Variants in CFAP20DC observed in about 807,000 individuals in gnomAD.
CFAP20DC encodes CFAP20 domain containing.
CFAP20DC carries 84 observed loss-of-function variants against 101.7 expected under a neutral mutation model. That is an observed-to-expected ratio of 0.83 (90% CI 0.69 to 0.99). The LOEUF (loss-of-function observed/expected upper bound fraction) is 0.99. Among genes scored for constraint, CFAP20DC ranks in the 50% least tolerant of loss-of-function variants. The pLI is 0.00. For synonymous variants in CFAP20DC, 359 were observed against 351.2 expected (o/e 1.02, Z -0.25); for missense variants, 1,007 against 970.3 (o/e 1.04, Z -0.50).
Position 58,971,036 on chromosome 3 carries a change from T to C in CFAP20DC, c.279-33274A>G, listed in dbSNP as rs148236694. Among the ~76,000 whole-genome samples the C allele has an allele frequency of 1.3e-5, 2 of 152,298 alleles. No individual in the cohort carries two copies. The highest frequency in any genetic ancestry group is 3.9e-4 in the East Asian group (2 of 5,184). On this transcript the variant is annotated intron_variant, in intron 4 of 16. Coordinates refer to ENST00000482387, the MANE Select transcript of CFAP20DC (RefSeq NM_001394063.1). This position sits in a 1 kb window ranked among gnomAD's most constrained non-coding sequence, Gnocchi z 4.1. ...ACCCACTCTCCTAACCTCCCAAGCA[T>C]ACACTTTGCCATAAATTGACAACAA...
intron 4 of CFAP20DC, among the ~76,000 whole-genome samples, chr3:59,036,298 G>C (rs1248968556): frequency 6.6e-6 from 1 of 152,148 alleles, no homozygotes; most frequent in Non-Finnish European, 1.5e-5. Flanking sequence ...TCTGGCCAGA[G>C]CAATCAGGCA....
At chr3:58,947,985 C>T (rs2089578655) in intron 4 of CFAP20DC, among the ~76,000 whole-genome samples, 1 of 152,156 alleles carries the variant, frequency 6.6e-6, no homozygotes, top group African/African-American at 2.4e-5. Flanking sequence ...TTACGGGCTG[C>T]CTTTAGGGGC....
intron 4 of CFAP20DC, among the ~76,000 whole-genome samples, chr3:58,962,383 T>G (rs2091214935): frequency 6.6e-6 from 1 of 152,228 alleles, no homozygotes; most frequent in South Asian, 2.1e-4. Context: ...ATAACATACT[T>G]TGTATAATTT....
intron 13 of CFAP20DC, among the ~76,000 whole-genome samples, chr3:58,843,531 G>C (rs1420619349): frequency 1.3e-5 from 2 of 151,820 alleles, no homozygotes; most frequent in Non-Finnish European, 2.9e-5. Flanking sequence ...CCAAATCTAC[G>C]TCTGATTGGT....
chr3:58,849,961 C>T (rs1299147567), intron 12 of CFAP20DC, among the ~76,000 whole-genome samples: 17 of 152,070 alleles, frequency 1.1e-4, no homozygotes, highest in African/African-American at 4.1e-4. Flanking sequence ...ATTTTTCTTA[C>T]ATGAAAATTT....
chr3:58,763,257 A>C (rs999361442), intron 15 of CFAP20DC, among the ~76,000 whole-genome samples: 24 of 152,022 alleles, frequency 1.6e-4, no homozygotes, highest in African/African-American at 5.8e-4. Flanking sequence ...TTTTTTCTCT[A>C]AACTTTTCTT....
At chr3:58,992,424 C>T in intron 4 of CFAP20DC, 1 of 294,658 alleles carries the variant, frequency 3.4e-6, no homozygotes, top group Non-Finnish European at 5.0e-6. Flanking sequence ...ATGGCCCTAA[C>T]TATGTACTGG....
chr3:59,047,894 T>C (rs1213855659), intron 1 of CFAP20DC, among the ~76,000 whole-genome samples: 2 of 152,172 alleles, frequency 1.3e-5, no homozygotes, highest in Non-Finnish European at 2.9e-5. Context: ...TTAGTACTGG[T>C]CAATAAAAAG....
intron 5 of CFAP20DC, among the ~76,000 whole-genome samples, chr3:58,927,558 G>T (rs536630411): frequency 6.6e-6 from 1 of 152,318 alleles, no homozygotes; most frequent in South Asian, 2.1e-4. Context: ...GTTCAATGTT[G>T]AGAAATCTGA....
chr3:58,905,539 G>A (rs1260086942), intron 6 of CFAP20DC, among the ~76,000 whole-genome samples: 1 of 152,140 alleles, frequency 6.6e-6, no homozygotes, highest in African/African-American at 2.4e-5. Context: ...CTTGATGCAA[G>A]ATTCCAAAAA....
rs1322706994 is a variant in CFAP20DC, at chr3:58,722,923, T to C, written c.198-5295A>G. ...CTTTCAAATCTTTACCTTGTCAATT[T>C]TGGTAACATGCAGCTGCCACATTCA... On this transcript the variant is annotated intron_variant, in intron 3 of 3. Transcript: ENST00000486145. The surrounding 1 kb of genome is among the most constrained non-coding windows in gnomAD (Gnocchi z 4.5). 6.6e-6 allele frequency among the ~76,000 whole-genome samples: 1 copy of C among 152,236 alleles called. No individual in the cohort carries two copies. Among genetic ancestry groups the C allele is most frequent in the African/African-American group, 2.4e-5 (1 of 41,456 alleles).
At position 58,868,907 on chromosome 3, in the gene CFAP20DC, C is replaced by A. The variant is rs1474541614; in HGVS notation, c.1015+421G>T. On this transcript the variant is annotated intron_variant, in intron 9 of 16. Coordinates refer to ENST00000482387, the MANE Select transcript of CFAP20DC (RefSeq NM_001394063.1). This position sits in a 1 kb window ranked among gnomAD's most constrained non-coding sequence, Gnocchi z 4.6. ...CTATCTGTAAAATGGAACAAAAATC[C>A]TTTTTCACTTACAGGGTTTATTTTA... 6.6e-6 allele frequency among the ~76,000 whole-genome samples: 1 copy of A among 152,042 alleles called. No individual in the cohort carries two copies.
At chr3:58,977,744 A>T (rs930890549) in intron 4 of CFAP20DC, among the ~76,000 whole-genome samples, 1 of 151,928 alleles carries the variant, frequency 6.6e-6, no homozygotes, top group Admixed American at 6.6e-5. Flanking sequence ...AAAAAAAAAA[A>T]AGTGGGAGGA....
At chr3:58,756,925 T>C (rs1020002985) in intron 15 of CFAP20DC, among the ~76,000 whole-genome samples, 11 of 152,132 alleles carry the variant, frequency 7.2e-5, no homozygotes, top group African/African-American at 2.4e-4. Context: ...CATAATACGT[T>C]ACCCTATGGA....
intron 15 of CFAP20DC, among the ~76,000 whole-genome samples, chr3:58,759,580 T>C (rs1294898083): frequency 6.6e-6 from 1 of 152,208 alleles, no homozygotes; most frequent in Non-Finnish European, 1.5e-5. Context: ...TGCCACTGAT[T>C]TTGGTGTTTT....
intron 4 of CFAP20DC, among the ~76,000 whole-genome samples, chr3:59,022,350 T>TA (rs921482497): frequency 6.8e-4 from 103 of 150,440 alleles, no homozygotes; most frequent in African/African-American, 2.1e-3. Flanking sequence ...GGATTTTTCC[T>TA]AAAAAAAAAC....
At chr3:59,025,320 G>C (rs577237320) in intron 4 of CFAP20DC, among the ~76,000 whole-genome samples, 2 of 152,266 alleles carry the variant, frequency 1.3e-5, no homozygotes, top group South Asian at 4.1e-4. Context: ...CCAAGGAAAA[G>C]CTGCATCTGT....
rs1575992602 is a variant in CFAP20DC, at chr3:58,861,301, C to T, written c.1593+2257G>A. 5.8e-6 allele frequency: 4 copies of T among 694,372 alleles called. No homozygotes were observed. The highest frequency in any genetic ancestry group is 5.3e-6 in the Non-Finnish European group (3 of 564,772). The allele number at this position is 694,372 out of a possible 1,614,324, so 43.0% of individuals were successfully genotyped here. ...ATAATATAATTGTTATTCACTTGTCCACCATTATTTACAACTTGACATTAT... is the reference window on the plus strand; with the variant it reads ...ATAATATAATTGTTATTCACTTGTCTACCATTATTTACAACTTGACATTAT... On this transcript the variant is annotated intron_variant, in intron 12 of 16. Coordinates refer to ENST00000482387, the MANE Select transcript of CFAP20DC (RefSeq NM_001394063.1). The surrounding 1 kb of genome is among the most constrained non-coding windows in gnomAD (Gnocchi z 4.0).
At chr3:58,936,365 G>A (rs2087612467) in intron 5 of CFAP20DC, among the ~76,000 whole-genome samples, 1 of 152,184 alleles carries the variant, frequency 6.6e-6, no homozygotes, top group Admixed American at 6.5e-5. Context: ...AGTCAGTGTG[G>A]CGATTCCTCA....
Sources: gnomAD v4.1 joint callset for allele counts (sites outside exome capture counted in the v4.1 genomes callset) on GRCh38, gnomAD v4.1.1 for gene constraint, Gnocchi (gnomAD v3.1) non-coding constraint, MANE v1.5 for transcripts, NCBI Gene and HGNC (gene_info 2026-07-23, HGNC 2026-07-21) for gene names.